Variants in AMD1 observed in about 807,000 individuals in gnomAD.
AMD1 encodes the protein adenosylmethionine decarboxylase 1.
In AMD1, 11 loss-of-function variants were observed where a neutral mutation model predicts 40.2. The ratio of observed to expected loss-of-function variants is 0.27; its 90% CI spans 0.17 to 0.45. The LOEUF is 0.45. AMD1 is among the 20% of genes least tolerant of loss of function. The pLI is 1.00. For synonymous variants in AMD1, 121 were observed against 130.8 expected (o/e 0.93, Z 0.51); for missense variants, 257 against 410.2 (o/e 0.63, Z 3.23).
At chr6:110,878,459 A>G (rs112581732) in intron 1 of AMD1, among the ~76,000 whole-genome samples, 5,522 of 152,298 alleles carry the variant, frequency 0.036, 130 homozygotes, top group Middle Eastern at 0.071. Context: ...GAAATTTAAC[A>G]AAGAAAAATC....
chr6:110,844,653 C>T, the AMD1 span, among the ~76,000 whole-genome samples: 5 of 151,720 alleles, frequency 3.3e-5, no homozygotes, highest in South Asian at 2.1e-4. Context: ...TGGTGGCAGG[C>T]GCCTGTAATC....
chr6:110,892,652 C>T (rs1786087501), intron 6 of AMD1, 83 bp from the exon 7 acceptor site: 15 of 1,520,170 alleles, frequency 9.9e-6, no homozygotes, highest in East Asian at 9.1e-5. Context: ...CCTCTCCCTT[C>T]TCCCACCCTG....
chr6:110,858,686 C>A, the AMD1 span: 2 of 978,778 alleles, frequency 2.0e-6, no homozygotes, highest in Non-Finnish European at 3.3e-6. Context: ...CTCGGAGAAG[C>A]AGGAGCCGAA....
the AMD1 span, among the ~76,000 whole-genome samples, chr6:110,838,562 TAAC>T: frequency 2.0e-5 from 3 of 151,728 alleles, no homozygotes; most frequent in Middle Eastern, 3.4e-3. Context: ...TTTATTATGT[TAAC>T]AACTACTTTC....
intron 1 of AMD1, among the ~76,000 whole-genome samples, chr6:110,886,883 T>G (rs1451439122): frequency 6.6e-6 from 1 of 152,206 alleles, no homozygotes; most frequent in African/African-American, 2.4e-5. Flanking sequence ...TCAGGCAAAT[T>G]AAGACTAGTT....
upstream of AMD1, among the ~76,000 whole-genome samples, chr6:110,873,694 G>C (rs930153220): frequency 2.0e-5 from 3 of 152,162 alleles, no homozygotes; most frequent in Admixed American, 2.0e-4. Context: ...TGCCATCTGA[G>C]GTTAAACTGT....
the AMD1 span, among the ~76,000 whole-genome samples, chr6:110,819,649 T>C: frequency 1.3e-5 from 2 of 152,208 alleles, no homozygotes; most frequent in East Asian, 1.9e-4. Context: ...GGCATCAAGA[T>C]AGAAATAACT....
chr6:110,825,935 AG>A, the AMD1 span, among the ~76,000 whole-genome samples: 2 of 152,070 alleles, frequency 1.3e-5, no homozygotes, highest in African/African-American at 4.8e-5. Context: ...TGGGAGACTA[AG>A]GTGGAAGAAT....
chr6:110,866,761 C>G, the AMD1 span, among the ~76,000 whole-genome samples: 1 of 151,528 alleles, frequency 6.6e-6, no homozygotes, highest in African/African-American at 2.4e-5. Flanking sequence ...TTGAGACTTC[C>G]TCAGTTCACC....
chr6:110,882,840 C>T (rs1785481508), intron 1 of AMD1, among the ~76,000 whole-genome samples: 1 of 152,246 alleles, frequency 6.6e-6, no homozygotes, highest in African/African-American at 2.4e-5. Context: ...CATTTTGAAG[C>T]CAATGGGTTG....
At chr6:110,865,973 G>T in the AMD1 span, among the ~76,000 whole-genome samples, 1 of 151,596 alleles carries the variant, frequency 6.6e-6, no homozygotes, top group African/African-American at 2.4e-5. Context: ...ATGTTGGCCA[G>T]GCTGGTCTCG....
the AMD1 span, among the ~76,000 whole-genome samples, chr6:110,839,244 T>C: frequency 1.3e-5 from 2 of 152,136 alleles, no homozygotes; most frequent in Non-Finnish European, 1.5e-5. Flanking sequence ...CACTGAATGA[T>C]AGGAAAAAAA....
At chr6:110,859,070 C>A in the AMD1 span, 1 of 1,275,732 alleles carries the variant, frequency 7.8e-7, no homozygotes, top group Non-Finnish European at 1.1e-6. Context: ...CAGTGGCCGA[C>A]AGGGCTCCCT....
rs139121730 is a variant in AMD1, at chr6:110,894,852, C to T, written c.*1236C>T. On this transcript the variant is annotated 3_prime_UTR_variant, in exon 9 of 9. Transcript: ENST00000368885. ...CCTCTTAACTACGGTGTTTCCCTTACCATGGCATTCATAGGATGAAATGAA... is the reference window on the plus strand; with the variant it reads ...CCTCTTAACTACGGTGTTTCCCTTATCATGGCATTCATAGGATGAAATGAA... 5 of 152,242 alleles carry T rather than the reference C, an allele frequency of 3.3e-5. No homozygotes were observed. The highest frequency in any genetic ancestry group is 9.6e-5 in the African/African-American group (4 of 41,538). 9.4% of individuals were successfully genotyped at this position (152,242 alleles called of 1,614,324 possible).
intron 1 of AMD1, among the ~76,000 whole-genome samples, chr6:110,878,387 G>T (rs1054518205): frequency 5.3e-5 from 8 of 152,142 alleles, no homozygotes; most frequent in African/African-American, 1.9e-4. Flanking sequence ...ACTAAACACT[G>T]CTTCCCTCTT....
At chr6:110,856,522 G>A in the AMD1 span, 1 of 152,162 alleles carries the variant, frequency 6.6e-6, no homozygotes, top group Non-Finnish European at 1.5e-5. Flanking sequence ...CCCATGTTAA[G>A]GGGGGGAAAA....
chr6:110,888,525 T>C, intron 2 of AMD1: 1 of 156,944 alleles, frequency 6.4e-6, no homozygotes, highest in Non-Finnish European at 1.4e-5. Context: ...TTGGCCAGGC[T>C]GGTCTTGAAC....
the AMD1 span, among the ~76,000 whole-genome samples, chr6:110,832,894 C>T: frequency 6.6e-6 from 1 of 152,182 alleles, no homozygotes; most frequent in South Asian, 2.1e-4. Flanking sequence ...GATGTCGGCT[C>T]ACTGCAACTT....
chr6:110,842,180 A>G, the AMD1 span, among the ~76,000 whole-genome samples: 2 of 152,198 alleles, frequency 1.3e-5, no homozygotes, highest in Non-Finnish European at 2.9e-5. Context: ...GAGAGTGTTC[A>G]TGAGTCTCTC....
Sources: gnomAD v4.1 joint callset for allele counts (sites outside exome capture counted in the v4.1 genomes callset) on GRCh38, gnomAD v4.1.1 for gene constraint, MANE v1.5 for transcripts, NCBI Gene and HGNC (gene_info 2026-07-23, HGNC 2026-07-21) for gene names.